ABLIM1: variants seen among roughly 807,000 people sequenced by gnomAD.
ABLIM1 encodes actin binding LIM protein 1, also known as actin-binding LIM protein 1.
Under a neutral mutation model 107.0 loss-of-function variants are expected in ABLIM1, and 40 were observed. That is an observed-to-expected ratio of 0.37 (90% CI 0.29 to 0.49). ABLIM1 has a LOEUF of 0.49. ABLIM1 is among the 20% of genes least tolerant of loss of function. The pLI is 0.97. For synonymous variants in ABLIM1, 357 were observed against 357.3 expected, an observed-to-expected ratio of 1.00 and a Z score of 0.01; for missense variants, 857 against 1,008.5, an observed-to-expected ratio of 0.85 and a Z score of 2.04.
upstream of ABLIM1, among the ~76,000 whole-genome samples, chr10:114,772,561 T>G (rs1465109322): frequency 1.3e-5 from 2 of 152,070 alleles, no homozygotes; most frequent in African/African-American, 4.8e-5. Context: ...GAGCTATGAT[T>G]GCATCACTGC....
chr10:114,461,126 C>T (rs1589926268), intron 12 of ABLIM1, among the ~76,000 whole-genome samples: 1 of 151,244 alleles, frequency 6.6e-6, no homozygotes, highest in South Asian at 2.1e-4. Context: ...TGCAGTGGCT[C>T]GATCTCAGCT....
intron 1 of ABLIM1, among the ~76,000 whole-genome samples, chr10:114,641,266 A>AG: frequency 6.7e-6 from 1 of 149,588 alleles, no homozygotes; most frequent in African/African-American, 2.5e-5. Context: ...AAAAAAAAAA[A>AG]AAAAAAAAAG....
At chr10:114,751,882 C>A (rs575797968) in intron 1 of ABLIM1, among the ~76,000 whole-genome samples, 1 of 152,186 alleles carries the variant, frequency 6.6e-6, no homozygotes, top group Non-Finnish European at 1.5e-5. Context: ...CTTGAGAATA[C>A]CAAATCCATC....
intron 1 of ABLIM1, among the ~76,000 whole-genome samples, chr10:114,738,269 C>T (rs754122306): frequency 5.3e-5 from 8 of 152,102 alleles, no homozygotes; most frequent in Non-Finnish European, 1.0e-4. Flanking sequence ...AGGCTGGTCT[C>T]GAACTCCTGG....
chr10:114,468,412 C>A, intron 10 of ABLIM1, 196 bp from the exon 11 acceptor site: 1 of 334,902 alleles, frequency 3.0e-6, no homozygotes, highest in Non-Finnish European at 5.1e-6. Flanking sequence ...GTAGCTGGGA[C>A]TACAGGCGCC....
chr10:114,468,528 C>A lies in ABLIM1; in HGVS notation c.1276-312G>T, dbSNP rs888745375. Among the ~76,000 whole-genome samples the A allele has an allele frequency of 3.9e-5, 6 of 152,188 alleles. No homozygotes were observed. The East Asian group carries it at 1.2e-3, about 30-fold the overall frequency. On this transcript the variant is annotated intron_variant, in intron 10 of 22. Transcript: ENST00000533213. Reference sequence around the variant, plus strand: ...TGACCTCATGATCCGCCCCCCTTAGCCTCCCAAAGTTTTGGGATTACAGGC... The same window carrying A: ...TGACCTCATGATCCGCCCCCCTTAGACTCCCAAAGTTTTGGGATTACAGGC...
intron 1 of ABLIM1, among the ~76,000 whole-genome samples, chr10:114,714,649 G>A (rs532360216): frequency 2.4e-4 from 36 of 152,286 alleles, no homozygotes; most frequent in African/African-American, 1.2e-4. Context: ...GCAAAATGCC[G>A]TTTGTTTACC....
At chr10:114,474,168 G>A (rs1239252727) in intron 8 of ABLIM1, among the ~76,000 whole-genome samples, 2 of 152,072 alleles carry the variant, frequency 1.3e-5, no homozygotes, top group Admixed American at 6.6e-5. Flanking sequence ...GCCTTTCTCT[G>A]GCCCTTCCTG....
chr10:114,617,504 G>A (rs2077203581), intron 1 of ABLIM1, among the ~76,000 whole-genome samples: 1 of 151,856 alleles, frequency 6.6e-6, no homozygotes, highest in South Asian at 2.1e-4. Flanking sequence ...TTGATCTCAG[G>A]TAATCCACCC....
At chr10:114,679,531 A>G (rs1408358065) in intron 1 of ABLIM1, among the ~76,000 whole-genome samples, 1 of 150,412 alleles carries the variant, frequency 6.6e-6, no homozygotes, top group Non-Finnish European at 1.5e-5. Flanking sequence ...GCTACTCAGG[A>G]GGCTGAGGCA....
upstream of ABLIM1, among the ~76,000 whole-genome samples, chr10:114,661,334 A>C (rs564621464): frequency 6.6e-6 from 1 of 152,350 alleles, no homozygotes; most frequent in Non-Finnish European, 1.5e-5. Context: ...TGCTGGCAGC[A>C]GTGACTGCAG....
At position 114,441,033 on chromosome 10, in the gene ABLIM1, G is replaced by A; in HGVS notation, c.2043C>T (p.Val681=). 1 of 1,590,890 alleles carries A rather than the reference G, an allele frequency of 6.3e-7. No homozygotes were observed. Among genetic ancestry groups the A allele is most frequent in the Non-Finnish European group, 8.6e-7 (1 of 1,167,524 alleles). Reference sequence around the variant, plus strand: ...GAGCCTCACCTCGCACTCCCCCGCTGACATCCCCATAGCTGTTATACTGAG... The same window carrying A: ...GAGCCTCACCTCGCACTCCCCCGCTAACATCCCCATAGCTGTTATACTGAG... The part of the protein sequence containing the change: ...DFAQYNSYGD[V]SGGVRDYQTL... Residue 681 remains valine, a synonymous_variant, in exon 19 of 23, where the codon GTC becomes GTT. Transcript: ENST00000533213.
chr10:114,754,108 T>G (rs1347037171), intron 1 of ABLIM1, among the ~76,000 whole-genome samples: 1 of 152,176 alleles, frequency 6.6e-6, no homozygotes, highest in African/African-American at 2.4e-5. Flanking sequence ...TGCCTTGGCC[T>G]CCCAAAGTGC....
intron 1 of ABLIM1, among the ~76,000 whole-genome samples, chr10:114,732,140 T>C (rs1308134974): frequency 6.6e-6 from 1 of 151,812 alleles, no homozygotes; most frequent in Non-Finnish European, 1.5e-5. Flanking sequence ...TGAAGTGATA[T>C]CTTTTGGGTT....
At chr10:114,498,237 T>C (rs77162368) in intron 6 of ABLIM1, among the ~76,000 whole-genome samples, 1,613 of 152,284 alleles carry the variant, frequency 0.011, 32 homozygotes, top group African/African-American at 0.038. Context: ...TCAAGTCCTC[T>C]TCAGCTGTAA....
At chr10:114,719,854 C>A (rs533466002) in intron 1 of ABLIM1, among the ~76,000 whole-genome samples, 6 of 152,308 alleles carry the variant, frequency 3.9e-5, no homozygotes, top group Admixed American at 1.3e-4. Flanking sequence ...CAGAATAATT[C>A]TCAATAATTT....
At chr10:114,601,018 CA>C (rs2075930347) in intron 2 of ABLIM1, among the ~76,000 whole-genome samples, 1 of 150,206 alleles carries the variant, frequency 6.7e-6, no homozygotes, top group African/African-American at 2.5e-5. Context: ...AGAGGTCTCC[CA>C]AGTGTTGTTG....
chr10:114,545,935 A>AC (rs1342844212), intron 5 of ABLIM1, among the ~76,000 whole-genome samples: 1 of 114,342 alleles, frequency 8.7e-6, no homozygotes, highest in Non-Finnish European at 2.1e-5. Flanking sequence ...CATCTCAAAA[A>AC]AAAAAAACAA....
rs532596430 is a variant in ABLIM1, at chr10:114,666,584, T to A, written c.64+17706A>T. Reference sequence around the variant, plus strand: ...GGAAGTAAGAATAACCTAGTTCAAATCTTGGTTTTGCTACTTGCTGCTCAG... The same window carrying A: ...GGAAGTAAGAATAACCTAGTTCAAAACTTGGTTTTGCTACTTGCTGCTCAG... On this transcript the variant is annotated intron_variant, in intron 1 of 23. Coordinates refer to the ABLIM1 transcript ENST00000369256. Among the ~76,000 whole-genome samples the A allele has an allele frequency of 5.3e-5, 8 of 152,336 alleles. No homozygotes were observed. In the South Asian group the frequency reaches 1.7e-3, roughly 32 times the overall value.
Sources: allele counts gnomAD v4.1 joint callset (sites outside exome capture counted in the v4.1 genomes callset), GRCh38; gene constraint gnomAD v4.1.1; transcripts MANE v1.5; gene names NCBI Gene and HGNC (gene_info 2026-07-23, HGNC 2026-07-21).